Variants in SNX29 observed in about 807,000 individuals in gnomAD.
The protein encoded by SNX29 is sorting nexin-29.
In SNX29, 78 loss-of-function variants were observed where a neutral mutation model predicts 102.1. The observed-to-expected ratio is 0.76, with a 90% CI of 0.64 to 0.92. The LOEUF (loss-of-function observed/expected upper bound fraction) is 0.92. Among genes scored for constraint, SNX29 ranks in the 40% least tolerant of loss-of-function variants. The pLI, the probability that SNX29 is intolerant of heterozygous loss-of-function variation, is 0.00. For synonymous variants in SNX29, 580 were observed against 414.5 expected (o/e 1.40, Z -4.85); for missense variants, 1,280 against 1,061.7 (o/e 1.21, Z -2.86).
At chr16:12,180,351 G>A (rs1409461827) in intron 13 of SNX29, among the ~76,000 whole-genome samples, 1 of 152,110 alleles carries the variant, frequency 6.6e-6, no homozygotes, top group Non-Finnish European at 1.5e-5. Flanking sequence ...ATTGTCTCCA[G>A]CTTGTTTTGC....
At chr16:12,532,577 C>A (rs559163093) in intron 20 of SNX29, among the ~76,000 whole-genome samples, 3 of 152,180 alleles carry the variant, frequency 2.0e-5, no homozygotes, top group Non-Finnish European at 4.4e-5. Context: ...TCTGACTTCA[C>A]CATCTGAAAT....
At chr16:12,082,222 G>A (rs2051935374) in intron 11 of SNX29, among the ~76,000 whole-genome samples, 1 of 151,850 alleles carries the variant, frequency 6.6e-6, no homozygotes, top group African/African-American at 2.4e-5. Context: ...TTTTTTAAAG[G>A]ACAGCAGCCC....
chr16:12,241,406 G>A (rs1460397183), intron 14 of SNX29, among the ~76,000 whole-genome samples: 2 of 151,942 alleles, frequency 1.3e-5, no homozygotes, highest in Non-Finnish European at 2.9e-5. Context: ...AGGACTTGGT[G>A]TTATGTGGAC....
At chr16:12,560,217 C>CA (rs2078644725) in intron 20 of SNX29, among the ~76,000 whole-genome samples, 1 of 147,216 alleles carries the variant, frequency 6.8e-6, no homozygotes, top group Non-Finnish European at 1.5e-5. Flanking sequence ...AGCAACTACA[C>CA]AGCCAGAGCT....
chr16:12,571,160 C>T lies in SNX29; in HGVS notation c.*2531C>T, dbSNP rs916936975. ...GTCCATCTTGCTGCTCAGAAGAATC[C>T]CGTCCTGCTCTCTAGTGTGGTGGGA... On this transcript the variant is annotated 3_prime_UTR_variant, in exon 21 of 21. Transcript: ENST00000566228. The T allele has an allele frequency of 1.1e-4, 25 of 232,676 alleles. No homozygotes were observed. Among genetic ancestry groups the T allele is most frequent in the African/African-American group, 5.1e-4 (23 of 45,428 alleles). 14.4% of individuals were successfully genotyped at this position (232,676 alleles called of 1,614,324 possible). A position where few individuals can be genotyped will look rare whatever the true frequency, so the allele number is the denominator to read the frequency against.
intron 14 of SNX29, among the ~76,000 whole-genome samples, chr16:12,219,552 A>G (rs1192807012): frequency 1.3e-5 from 2 of 152,178 alleles, no homozygotes; most frequent in African/African-American, 4.8e-5. Context: ...GAAAGGGGTA[A>G]TATTCTGGAA....
chr16:12,572,959 A>G lies in SNX29; in HGVS notation c.*4330A>G. 1 of 638,476 alleles carries G rather than the reference A, an allele frequency of 1.6e-6. No individual in the cohort carries two copies. Among genetic ancestry groups the G allele is most frequent in the Non-Finnish European group, 2.0e-6 (1 of 490,272 alleles). The allele number at this position is 638,476 out of a possible 1,614,324, so 39.6% of individuals were successfully genotyped here. On this transcript the variant is annotated 3_prime_UTR_variant, in exon 21 of 21. Coordinates refer to ENST00000566228, the MANE Select transcript of SNX29 (RefSeq NM_032167.5). ...CAGGCATCTGCTTATGAGCAAGGTC[A>G]AAGATTTTTCAAAATATTGTGCATT...
intron 14 of SNX29, among the ~76,000 whole-genome samples, chr16:12,217,975 C>A (rs1316522750): frequency 1.3e-5 from 2 of 152,156 alleles, no homozygotes; most frequent in Non-Finnish European, 2.9e-5. Context: ...TCTTGGTTTC[C>A]CATGACTTGT....
chr16:12,037,802 A>T (rs2151161416), intron 4 of SNX29, among the ~76,000 whole-genome samples: 1 of 152,090 alleles, frequency 6.6e-6, no homozygotes, highest in East Asian at 1.9e-4. Context: ...AAAAAAAAAA[A>T]AAATTAGCCG....
At chr16:12,271,003 A>G (rs2079076747) in intron 14 of SNX29, among the ~76,000 whole-genome samples, 1 of 152,222 alleles carries the variant, frequency 6.6e-6, no homozygotes, top group South Asian at 2.1e-4. Context: ...AGATCGCGCC[A>G]CTGCACTCCA....
intron 13 of SNX29, among the ~76,000 whole-genome samples, chr16:12,134,107 C>T (rs1323012023): frequency 6.6e-6 from 1 of 152,116 alleles, no homozygotes; most frequent in East Asian, 1.9e-4. Flanking sequence ...TGCCTTGTTT[C>T]CTTTTGAATT....
At chr16:12,033,531 C>T (rs1370458088) in intron 4 of SNX29, among the ~76,000 whole-genome samples, 3 of 152,240 alleles carry the variant, frequency 2.0e-5, no homozygotes, top group East Asian at 3.9e-4. Context: ...CTACATGGTT[C>T]ACCTGGACTG....
intron 11 of SNX29, among the ~76,000 whole-genome samples, chr16:12,084,107 G>A (rs1436030532): frequency 2.6e-5 from 4 of 152,038 alleles, no homozygotes; most frequent in Non-Finnish European, 1.5e-5. Flanking sequence ...AAGGCCCTCT[G>A]GTACTTCAGA....
At chr16:12,138,104 A>G (rs1363717609) in intron 13 of SNX29, among the ~76,000 whole-genome samples, 2 of 151,992 alleles carry the variant, frequency 1.3e-5, no homozygotes, top group African/African-American at 4.8e-5. Context: ...TTTGCCATCC[A>G]TATGCTAGCA....
Position 12,573,364 on chromosome 16 carries a change from A to C in SNX29, c.*4735A>C. ...TAGACAGTTACTTCTAAATCCCAGC[A>C]ACCAAGTTGCGTATCCTTCCTTATA... On this transcript the variant is annotated 3_prime_UTR_variant, in exon 21 of 21. Coordinates refer to ENST00000566228, the MANE Select transcript of SNX29 (RefSeq NM_032167.5). 1 of 224,996 alleles carries C rather than the reference A, an allele frequency of 4.4e-6. No individual in the cohort carries two copies. The allele number at this position is 224,996 out of a possible 1,614,324, so 13.9% of individuals were successfully genotyped here.
chr16:12,403,499 C>T lies in SNX29; in HGVS notation c.2007C>T (p.Gly669=). Residue 669 remains glycine, a synonymous_variant, in exon 18 of 21, where the codon GGC becomes GGT. Coordinates refer to ENST00000566228, the MANE Select transcript of SNX29 (RefSeq NM_032167.5). ...NVWIPSVFLR[G]KAANAFHVYQ... Reference sequence around the variant, plus strand: ...GGATCCCCTCAGTGTTTCTCCGGGGCAAAGCAGCAAATGCATTCCACGTGT... The same window carrying T: ...GGATCCCCTCAGTGTTTCTCCGGGGTAAAGCAGCAAATGCATTCCACGTGT... The T allele has an allele frequency of 1.2e-6, 2 of 1,608,256 alleles. No homozygotes were observed. The highest frequency in any genetic ancestry group is 8.5e-7 in the Non-Finnish European group (1 of 1,177,392).
chr16:12,040,809 A>G (rs907471508), intron 4 of SNX29, among the ~76,000 whole-genome samples: 8 of 152,258 alleles, frequency 5.3e-5, no homozygotes, highest in African/African-American at 1.7e-4. Flanking sequence ...ATGTATGCAT[A>G]TACACTCATA....
At chr16:12,457,454 G>A (rs886501601) in intron 18 of SNX29, among the ~76,000 whole-genome samples, 2 of 152,140 alleles carry the variant, frequency 1.3e-5, no homozygotes, top group African/African-American at 2.4e-5. Context: ...GCAGAGATAC[G>A]GCAGGTCTCA....
intron 11 of SNX29, among the ~76,000 whole-genome samples, chr16:12,115,868 G>A (rs541515907): frequency 1.3e-4 from 20 of 152,292 alleles, no homozygotes; most frequent in African/African-American, 4.8e-4. Flanking sequence ...TGTAATTGAT[G>A]GATAAGCCCT....
Sources: allele counts gnomAD v4.1 joint callset (sites outside exome capture counted in the v4.1 genomes callset), GRCh38; gene constraint gnomAD v4.1.1; transcripts MANE v1.5; gene names NCBI Gene and HGNC (gene_info 2026-07-23, HGNC 2026-07-21).